Variants in ALMS1 observed in about 807,000 individuals in gnomAD.
The protein encoded by ALMS1 is centrosome-associated protein ALMS1.
ALMS1 carries 271 observed loss-of-function variants against 352.2 expected under a neutral mutation model. The ratio of observed to expected loss-of-function variants is 0.77; its 90% confidence interval spans 0.70 to 0.85. The LOEUF (loss-of-function observed/expected upper bound fraction) is 0.85, where lower values mean the gene tolerates loss of function less well. Among genes scored for constraint, ALMS1 ranks in the 40% least tolerant of loss-of-function variants. The pLI is 0.00. For missense variants in ALMS1, 5,445 were observed against 4,870.7 expected, an observed-to-expected ratio of 1.12 and a Z score of -3.51; for synonymous variants, 1,865 against 1,761.2, an observed-to-expected ratio of 1.06 and a Z score of -1.48.
chr2:73,425,086 CTCA>C (rs932697571), intron 5 of ALMS1, among the ~76,000 whole-genome samples, 184 bp downstream of exon 5: 2 of 151,882 alleles, frequency 1.3e-5, no homozygotes, highest in Non-Finnish European at 2.9e-5. Flanking sequence ...GAAGTTGCTG[CTCA>C]TCATCATCAT....
At chr2:73,508,156 T>A (rs1269008773) in intron 10 of ALMS1, among the ~76,000 whole-genome samples, 9 of 150,752 alleles carry the variant, frequency 6.0e-5, no homozygotes, top group African/African-American at 2.2e-4. Context: ...TCCTTTCCTT[T>A]CCTTTCCTTT....
intron 2 of ALMS1, among the ~76,000 whole-genome samples, chr2:73,417,415 G>A (rs1671199938): frequency 6.6e-6 from 1 of 152,108 alleles, no homozygotes; most frequent in African/African-American, 2.4e-5. Context: ...AATAAATACA[G>A]AACAACGTTA....
At position 73,531,869 on chromosome 2, in the gene ALMS1, A is replaced by G. The variant is rs1341869287; in HGVS notation, c.9782-2955A>G. 3.3e-5 allele frequency among the ~76,000 whole-genome samples: 5 copies of G among 152,222 alleles called. No homozygotes were observed. In the East Asian group the frequency reaches 9.6e-4, roughly 29 times the overall value. On this transcript the variant is annotated intron_variant, in intron 11 of 22. Transcript: ENST00000613296. ...GGAAACTGCCACTTCTAAACCATCA[A>G]GATCTCCTGAGAACTCCCTCACTAT...
chr2:73,497,239 A>G (rs1184070777), intron 10 of ALMS1, among the ~76,000 whole-genome samples: 1 of 151,934 alleles, frequency 6.6e-6, no homozygotes, highest in Non-Finnish European at 1.5e-5. Flanking sequence ...TGATTATTTT[A>G]ATTTTTTTCC....
At chr2:73,527,298 A>G (rs1303945586) in intron 11 of ALMS1, among the ~76,000 whole-genome samples, 1 of 146,552 alleles carries the variant, frequency 6.8e-6, no homozygotes, top group Non-Finnish European at 1.5e-5. Flanking sequence ...AGGAGTTTGG[A>G]TGTATTCTCT....
chr2:73,528,627 T>C (rs987146451), intron 11 of ALMS1, among the ~76,000 whole-genome samples: 3 of 152,200 alleles, frequency 2.0e-5, no homozygotes, highest in Non-Finnish European at 4.4e-5. Context: ...ATAGGTTAAT[T>C]GTGTTTCTTG....
chr2:73,496,769 T>G (rs542791526), intron 10 of ALMS1, among the ~76,000 whole-genome samples: 1 of 152,192 alleles, frequency 6.6e-6, no homozygotes, highest in African/African-American at 2.4e-5. Context: ...TTTTAGCCAT[T>G]TTTATAGTTG....
At chr2:73,526,046 G>A (rs1673784620) in intron 11 of ALMS1, among the ~76,000 whole-genome samples, 1 of 152,090 alleles carries the variant, frequency 6.6e-6, no homozygotes, top group Admixed American at 6.6e-5. Flanking sequence ...CTTTTTCCCA[G>A]TGTATGTTCT....
intron 15 of ALMS1, among the ~76,000 whole-genome samples, chr2:73,560,480 A>C (rs1028855523): frequency 1.3e-5 from 2 of 152,240 alleles, no homozygotes; most frequent in Admixed American, 6.5e-5. Flanking sequence ...GGAAAATATT[A>C]TGGAGGTTCC....
At chr2:73,509,249 TTTAAGG>T (rs1318262107) in intron 10 of ALMS1, among the ~76,000 whole-genome samples, 7 of 152,322 alleles carry the variant, frequency 4.6e-5, no homozygotes, top group South Asian at 2.1e-4. Context: ...CTCATTTACA[TTTAAGG>T]TTACTATTGT....
At chr2:73,509,046 C>T (rs903936307) in intron 10 of ALMS1, among the ~76,000 whole-genome samples, 7 of 151,918 alleles carry the variant, frequency 4.6e-5, no homozygotes, top group African/African-American at 1.7e-4. Context: ...ATTTCAACCC[C>T]TGTTTTTTTT....
chr2:73,415,213 A>G (rs1046224003), intron 2 of ALMS1, among the ~76,000 whole-genome samples: 2 of 149,142 alleles, frequency 1.3e-5, no homozygotes, highest in Admixed American at 6.6e-5. Flanking sequence ...AAAAGGTATA[A>G]CACAAAGAAT....
intron 9 of ALMS1, among the ~76,000 whole-genome samples, chr2:73,461,373 C>G (rs964761216): frequency 3.3e-5 from 5 of 152,342 alleles, no homozygotes; most frequent in African/African-American, 1.2e-4. Context: ...AGCAAACTCC[C>G]AACAGACCTG....
At position 73,573,388 on chromosome 2, in the gene ALMS1, A is replaced by G. The variant is rs374164508; in HGVS notation, c.11511A>G (p.Leu3837=). 8 of 1,614,094 alleles carry G rather than the reference A, an allele frequency of 5.0e-6. No individual in the cohort carries two copies. The highest frequency in any genetic ancestry group is 6.8e-6 in the Non-Finnish European group (8 of 1,179,998). The part of the protein sequence containing the change: ...SKKVLNTGHP[L]VTSEHTRRRH... ...AAGTGCTGAATACAGGTCATCCCCT[A>G]GTGACTTCTGAGCACACCAGAAGGA... Residue 3837 remains leucine (L), a synonymous_variant, in exon 16 of 23, where the codon CTA becomes CTG. Coordinates refer to ENST00000613296, the MANE Select transcript of ALMS1 (RefSeq NM_001378454.1).
chr2:73,548,434 C>G (rs1674364060), intron 12 of ALMS1, among the ~76,000 whole-genome samples: 1 of 152,204 alleles, frequency 6.6e-6, no homozygotes, highest in African/African-American at 2.4e-5. Context: ...CTCTCACCTC[C>G]TCTGAGGTTG....
intron 2 of ALMS1, among the ~76,000 whole-genome samples, chr2:73,417,239 T>C (rs1671197678): frequency 6.6e-6 from 1 of 152,166 alleles, no homozygotes; most frequent in Non-Finnish European, 1.5e-5. Flanking sequence ...AAAATCTCAA[T>C]GAAATAGACT....
intron 11 of ALMS1, among the ~76,000 whole-genome samples, chr2:73,530,268 G>A (rs1190507361): frequency 6.6e-6 from 1 of 152,184 alleles, no homozygotes; most frequent in Non-Finnish European, 1.5e-5. Flanking sequence ...AGATACAGTG[G>A]GGGTACAGGC....
intron 11 of ALMS1, among the ~76,000 whole-genome samples, chr2:73,534,555 T>G (rs1673987183): frequency 6.6e-6 from 1 of 152,212 alleles, no homozygotes; most frequent in South Asian, 2.1e-4. Context: ...GTATTCTTAA[T>G]TACCTTCAGC....
chr2:73,524,200 CTAAAG>C (rs745811403), intron 11 of ALMS1, among the ~76,000 whole-genome samples: 5 of 152,136 alleles, frequency 3.3e-5, no homozygotes, highest in African/African-American at 7.2e-5. Flanking sequence ...AATTTATACT[CTAAAG>C]TAATTCTGCA....
Sources: allele counts gnomAD v4.1 joint callset (sites outside exome capture counted in the v4.1 genomes callset), GRCh38; gene constraint gnomAD v4.1.1; transcripts MANE v1.5; gene names NCBI Gene and HGNC (gene_info 2026-07-23, HGNC 2026-07-21).